Variants in OTUD7A observed in about 807,000 individuals in gnomAD.
OTUD7A encodes the protein OTU deubiquitinase 7A.
In OTUD7A, 12 loss-of-function variants were observed where a neutral mutation model predicts 65.7. That is an observed-to-expected ratio of 0.18 (90% CI 0.12 to 0.30). The LOEUF is 0.30. OTUD7A is among the 10% of genes least tolerant of loss of function. The probability of loss-of-function intolerance (pLI) is 1.00; values close to 1 mark genes in which losing one functional copy is unlikely to be tolerated. For missense variants in OTUD7A, 1,148 were observed against 1,304.8 expected (o/e 0.88, Z 1.85); for synonymous variants, 641 against 586.3 (o/e 1.09, Z -1.35).
At chr15:31,795,178 G>C (rs1014800143) in intron 1 of OTUD7A, among the ~76,000 whole-genome samples, 3 of 152,184 alleles carry the variant, frequency 2.0e-5, no homozygotes, top group African/African-American at 7.2e-5. Flanking sequence ...TACAGACTCA[G>C]TTCCTTTGGG....
chr15:31,624,353 T>C (rs546770811), intron 3 of OTUD7A, among the ~76,000 whole-genome samples: 1 of 152,286 alleles, frequency 6.6e-6, no homozygotes, highest in South Asian at 2.1e-4. Context: ...CAAGAAACCA[T>C]GGAGAATACT....
chr15:31,611,283 G>A (rs1295293984), intron 3 of OTUD7A, among the ~76,000 whole-genome samples: 2 of 151,980 alleles, frequency 1.3e-5, no homozygotes, highest in Non-Finnish European at 2.9e-5. Context: ...AAACCCAGCA[G>A]AATAAAGGAA....
At chr15:31,561,420 A>G (rs1376762414) in intron 4 of OTUD7A, among the ~76,000 whole-genome samples, 2 of 152,224 alleles carry the variant, frequency 1.3e-5, no homozygotes, top group African/African-American at 4.8e-5. Flanking sequence ...GACATCAGGC[A>G]TTAGAGAATC....
At chr15:31,686,285 C>T (rs148166141) in intron 1 of OTUD7A, among the ~76,000 whole-genome samples, 3,322 of 152,336 alleles carry the variant, frequency 0.022, 148 homozygotes, top group African/African-American at 0.075. Flanking sequence ...CCTTGGCTTC[C>T]AGCCACCTCC....
intron 1 of OTUD7A, among the ~76,000 whole-genome samples, chr15:31,829,730 A>C (rs968976641): frequency 5.3e-5 from 8 of 152,184 alleles, no homozygotes; most frequent in African/African-American, 1.4e-4. Flanking sequence ...AAAACATCCA[A>C]AATGATTCTG....
chr15:31,617,605 A>T (rs977220074), intron 3 of OTUD7A, among the ~76,000 whole-genome samples: 2 of 152,230 alleles, frequency 1.3e-5, no homozygotes, highest in African/African-American at 4.8e-5. Context: ...TTCCATGTAT[A>T]CAAAGCTTAA....
At chr15:31,646,467 T>G (rs1207003090) in intron 3 of OTUD7A, among the ~76,000 whole-genome samples, 1 of 82,126 alleles carries the variant, frequency 1.2e-5, no homozygotes, top group East Asian at 3.6e-4. Flanking sequence ...TTCTTTTTTG[T>G]TTTTTTTTTT....
chr15:31,767,475 A>G (rs1382245938), intron 1 of OTUD7A: 44 of 772,792 alleles, frequency 5.7e-5, no homozygotes, highest in Non-Finnish European at 9.7e-5. Context: ...CATGGCAGAT[A>G]ATACCCAGTG....
intron 3 of OTUD7A, among the ~76,000 whole-genome samples, chr15:31,633,029 T>A (rs543078056): frequency 1.3e-5 from 2 of 152,298 alleles, no homozygotes; most frequent in Non-Finnish European, 2.9e-5. Flanking sequence ...TGTCACCCCT[T>A]TCTTTGACTA....
At chr15:31,531,714 C>T (rs1285527193) in intron 5 of OTUD7A, among the ~76,000 whole-genome samples, 1 of 152,094 alleles carries the variant, frequency 6.6e-6, no homozygotes, top group African/African-American at 2.4e-5. Flanking sequence ...CCTAGACTTC[C>T]ACCCTCACCA....
chr15:31,829,889 G>A (rs1332290385), intron 1 of OTUD7A, among the ~76,000 whole-genome samples: 1 of 152,162 alleles, frequency 6.6e-6, no homozygotes, highest in Non-Finnish European at 1.5e-5. Flanking sequence ...CAAAGCCACT[G>A]CTCAGGGCTC....
intron 3 of OTUD7A, among the ~76,000 whole-genome samples, chr15:31,577,944 A>C (rs28495606): frequency 0.13 from 19,504 of 152,170 alleles, 1,566 homozygotes; most frequent in East Asian, 0.23. Context: ...AAGTAAGTAC[A>C]AAGAGAAGGA....
intron 5 of OTUD7A, among the ~76,000 whole-genome samples, chr15:31,540,671 A>G (rs997195879): frequency 3.3e-5 from 5 of 152,336 alleles, no homozygotes; most frequent in Admixed American, 2.0e-4. Context: ...AAAGCCCCAT[A>G]TATGTATTAT....
chr15:31,764,721 T>A (rs1033243134), intron 1 of OTUD7A, among the ~76,000 whole-genome samples: 4 of 152,112 alleles, frequency 2.6e-5, no homozygotes, highest in Admixed American at 6.5e-5. Flanking sequence ...AAAATACTAA[T>A]CCCTATACAA....
intron 2 of OTUD7A, among the ~76,000 whole-genome samples, chr15:31,656,088 C>G (rs531632291): frequency 1.3e-5 from 2 of 152,176 alleles, no homozygotes; most frequent in South Asian, 2.1e-4. Flanking sequence ...TAAGAGCTGC[C>G]ATCAATCCAA....
chr15:31,507,857 C>G (rs914960196), intron 8 of OTUD7A, among the ~76,000 whole-genome samples: 1 of 152,154 alleles, frequency 6.6e-6, no homozygotes, highest in Non-Finnish European at 1.5e-5. Flanking sequence ...GAAAAGTTCT[C>G]CAAGTCCCCA....
chr15:31,552,807 T>G (rs1262557100), intron 5 of OTUD7A, among the ~76,000 whole-genome samples: 8 of 152,080 alleles, frequency 5.3e-5, no homozygotes, highest in African/African-American at 1.9e-4. Flanking sequence ...GCCTGACTGA[T>G]GGGTGGAGGA....
chr15:31,731,790 T>C (rs867522643), intron 1 of OTUD7A, among the ~76,000 whole-genome samples: 3 of 152,112 alleles, frequency 2.0e-5, no homozygotes, highest in Admixed American at 6.5e-5. Context: ...GAGGAGTCTA[T>C]GCATGTGTGG....
chr15:31,526,450 C>G lies in OTUD7A; in HGVS notation c.792G>C (p.Val264=). The change falls in exon 8 of 13, where the codon GTG becomes GTC. Residue 264 remains valine, a synonymous_variant. Transcript: ENST00000307050. ...CCCGCTCCCACTCCTCCTCTGTGTACACCAGCCCTGACTGGCAGAGGGGAG... is the reference window on the plus strand; with the variant it reads ...CCCGCTCCCACTCCTCCTCTGTGTAGACCAGCCCTGACTGGCAGAGGGGAG... ...QTQQNKESGL[V]YTEEEWEREW... The G allele has an allele frequency of 6.3e-7, 1 of 1,596,878 alleles. No individual in the cohort carries two copies.
Sources: gnomAD v4.1 joint callset for allele counts (sites outside exome capture counted in the v4.1 genomes callset) on GRCh38, gnomAD v4.1.1 for gene constraint, MANE v1.5 for transcripts, NCBI Gene and HGNC (gene_info 2026-07-23, HGNC 2026-07-21) for gene names.